The following ERC2 variants were observed in gnomAD, a reference collection of about 807,000 sequenced individuals.
The protein encoded by ERC2 is ELKS/RAB6-interacting/CAST family member 2.
In ERC2, 42 loss-of-function variants were observed where a neutral mutation model predicts 114.8. The observed-to-expected ratio is 0.37, with a 90% CI of 0.29 to 0.47. The LOEUF is 0.47. Ranked by LOEUF, ERC2 falls within the 20% of genes least tolerant of loss-of-function variation. The pLI, the probability that ERC2 is intolerant of heterozygous loss-of-function variation, is 0.99. For synonymous variants in ERC2, 454 were observed against 425.5 expected (o/e 1.07, Z -0.82); for missense variants, 939 against 1,150.7 (o/e 0.82, Z 2.66).
At chr3:55,763,246 T>C (rs1490380430) in intron 14 of ERC2, among the ~76,000 whole-genome samples, 1 of 152,240 alleles carries the variant, frequency 6.6e-6, no homozygotes, top group Non-Finnish European at 1.5e-5. Context: ...CTCCCAGCGA[T>C]GGTGATGAGA....
chr3:56,327,198 G>A (rs1369323854), intron 2 of ERC2, among the ~76,000 whole-genome samples: 3 of 152,236 alleles, frequency 2.0e-5, no homozygotes, highest in African/African-American at 7.2e-5. Context: ...TTGACTCACA[G>A]TTTAGCATGG....
intron 2 of ERC2, among the ~76,000 whole-genome samples, chr3:56,337,291 A>G (rs6797149): frequency 0.018 from 2,737 of 152,320 alleles, 90 homozygotes; most frequent in African/African-American, 0.059. Context: ...CCACTGTGCC[A>G]AACCACAGTT....
chr3:56,308,464 A>T (rs1223288169), intron 2 of ERC2, among the ~76,000 whole-genome samples: 12 of 152,242 alleles, frequency 7.9e-5, no homozygotes, highest in Admixed American at 7.8e-4. Context: ...TGGAGTCAGA[A>T]TCTAATCCAG....
chr3:56,284,157 G>A (rs1284116119), intron 3 of ERC2, among the ~76,000 whole-genome samples: 1 of 152,204 alleles, frequency 6.6e-6, no homozygotes, highest in Non-Finnish European at 1.5e-5. Flanking sequence ...GGGGTGAGTG[G>A]TGTAGGTGAA....
chr3:56,101,589 C>T (rs189753888), intron 6 of ERC2, among the ~76,000 whole-genome samples: 88 of 152,188 alleles, frequency 5.8e-4, no homozygotes, highest in Middle Eastern at 3.4e-3. Context: ...CCACATCCAC[C>T]GAAAATCAAC....
chr3:56,278,621 T>C (rs1240700184), intron 3 of ERC2, among the ~76,000 whole-genome samples: 1 of 152,210 alleles, frequency 6.6e-6, no homozygotes, highest in African/African-American at 2.4e-5. Context: ...TGAGGCTGGA[T>C]AATTTATAAA....
chr3:56,220,320 TA>T, intron 3 of ERC2, among the ~76,000 whole-genome samples: 1 of 152,162 alleles, frequency 6.6e-6, no homozygotes, highest in East Asian at 1.9e-4. Flanking sequence ...AATGCTTTAT[TA>T]AAAAAACAGG....
At chr3:55,767,646 C>T (rs1042042870) in intron 14 of ERC2, among the ~76,000 whole-genome samples, 1 of 152,118 alleles carries the variant, frequency 6.6e-6, no homozygotes, top group Non-Finnish European at 1.5e-5. Context: ...CTAGAGATGG[C>T]ACAGAGACCC....
intron 2 of ERC2, among the ~76,000 whole-genome samples, chr3:56,322,328 A>T (rs1173199198): frequency 6.6e-6 from 1 of 152,194 alleles, no homozygotes; most frequent in Non-Finnish European, 1.5e-5. Flanking sequence ...CTCCCATCCT[A>T]TCCAGATAAC....
chr3:55,740,467 A>T (rs887956677), intron 14 of ERC2, among the ~76,000 whole-genome samples: 1 of 152,126 alleles, frequency 6.6e-6, no homozygotes, highest in Non-Finnish European at 1.5e-5. Flanking sequence ...TGAAACCCTC[A>T]TTTAAATACT....
chr3:55,720,143 CTCTTCTTCTTCTTCTTCTTCTTCT>C lies in ERC2; in HGVS notation c.2712+14604_2712+14627del, dbSNP rs1160295251. Among the ~76,000 whole-genome samples, 12 of 3,326 alleles carry C rather than the reference CTCTTCTTCTTCTTCTTCTTCTTCT, an allele frequency of 3.6e-3. 2 individuals are homozygous for C. Among genetic ancestry groups the C allele is most frequent in the South Asian group, 0.042 (1 of 24 alleles). The allele number at this position is 3,326 out of a possible 152,430, so 2.2% of individuals were successfully genotyped here. A position where few individuals can be genotyped will look rare whatever the true frequency, so the allele number is the denominator to read the frequency against. On this transcript the variant is annotated intron_variant, in intron 15 of 17. Coordinates refer to ENST00000288221, the MANE Select transcript of ERC2 (RefSeq NM_015576.3). The stretch of plus-strand genomic sequence containing the variant: ...CTCCTTCTTCTTCCTCTTCTTCTTC[CTCTTCTTCTTCTTCTTCTTCTTCT>C]TCTTCTTCTTCTTCTTCTTCTTCTT...
chr3:55,776,738 A>T (rs9866297), intron 14 of ERC2, among the ~76,000 whole-genome samples: 34,670 of 152,056 alleles, frequency 0.23, 4,283 homozygotes, highest in African/African-American at 0.3. Flanking sequence ...AATCCTCAGG[A>T]CCTTGTAAAT....
chr3:55,728,937 A>C (rs903465103), intron 15 of ERC2, among the ~76,000 whole-genome samples: 12 of 152,198 alleles, frequency 7.9e-5, no homozygotes, highest in African/African-American at 2.4e-4. Flanking sequence ...TGTGGCCCCA[A>C]CGGAAGCAGC....
intron 6 of ERC2, among the ~76,000 whole-genome samples, chr3:56,109,238 T>C (rs1351041652): frequency 1.3e-5 from 2 of 152,138 alleles, no homozygotes; most frequent in Non-Finnish European, 2.9e-5. Context: ...GTTCATGAGA[T>C]CTCATCATTT....
intron 14 of ERC2, among the ~76,000 whole-genome samples, chr3:55,824,382 C>T (rs1158972723): frequency 6.6e-6 from 1 of 152,198 alleles, no homozygotes; most frequent in Non-Finnish European, 1.5e-5. Flanking sequence ...AGAACAGAGA[C>T]TCCTGTTAAC....
intron 12 of ERC2, among the ~76,000 whole-genome samples, chr3:55,965,554 C>T (rs2068690867): frequency 6.6e-6 from 1 of 152,100 alleles, no homozygotes; most frequent in Admixed American, 6.5e-5. Context: ...TTTTACTGCC[C>T]ATTTCAAACA....
intron 13 of ERC2, among the ~76,000 whole-genome samples, chr3:55,939,615 G>T (rs1028745979): frequency 6.6e-6 from 1 of 152,192 alleles, no homozygotes; most frequent in Non-Finnish European, 1.5e-5. Flanking sequence ...CATGTTTTGT[G>T]AAATGTGAAT....
At chr3:56,124,003 C>T (rs1165366352) in intron 6 of ERC2, among the ~76,000 whole-genome samples, 1 of 152,154 alleles carries the variant, frequency 6.6e-6, no homozygotes, top group East Asian at 1.9e-4. Context: ...ACTATGGCCA[C>T]TTTGCACATA....
At chr3:56,049,625 A>G (rs1024088264) in intron 7 of ERC2, among the ~76,000 whole-genome samples, 1 of 152,112 alleles carries the variant, frequency 6.6e-6, no homozygotes, top group African/African-American at 2.4e-5. Context: ...AAAACATGAA[A>G]AGGCTAGATT....
Sources: gnomAD v4.1 joint callset for allele counts (sites outside exome capture counted in the v4.1 genomes callset) on GRCh38, gnomAD v4.1.1 for gene constraint, MANE v1.5 for transcripts, NCBI Gene and HGNC (gene_info 2026-07-23, HGNC 2026-07-21) for gene names.